SYN3: variants seen among roughly 807,000 people sequenced by gnomAD.
SYN3 encodes synapsin-3.
In SYN3, 35 loss-of-function variants were observed where a neutral mutation model predicts 65.8. The ratio of observed to expected loss-of-function variants is 0.53; its 90% CI spans 0.41 to 0.70. The LOEUF is 0.70. Ranked by LOEUF, SYN3 falls within the 30% of genes least tolerant of loss-of-function variation. The pLI is 0.00. For missense variants in SYN3, 680 were observed against 749.0 expected (o/e 0.91, Z 1.08); for synonymous variants, 270 against 292.9 (o/e 0.92, Z 0.80).
At chr22:32,600,918 C>T (rs2059272848) in intron 6 of SYN3, among the ~76,000 whole-genome samples, 1 of 152,170 alleles carries the variant, frequency 6.6e-6, no homozygotes, top group African/African-American at 2.4e-5. Context: ...AACTCCTGAC[C>T]TCAGGTAATC....
intron 12 of SYN3, among the ~76,000 whole-genome samples, chr22:32,526,646 G>T (rs942809834): frequency 6.6e-6 from 1 of 152,198 alleles, no homozygotes; most frequent in South Asian, 2.1e-4. Flanking sequence ...CTCCCGAGTA[G>T]CTGGGATTAC....
chr22:32,863,002 C>T (rs1196390650), intron 6 of SYN3: 1 of 152,608 alleles, frequency 6.6e-6, no homozygotes, highest in Non-Finnish European at 1.5e-5. Flanking sequence ...TATAGTGTGT[C>T]CTTTATTCTA....
At chr22:32,891,682 CA>C in intron 4 of SYN3, among the ~76,000 whole-genome samples, 1 of 152,266 alleles carries the variant, frequency 6.6e-6, no homozygotes, top group African/African-American at 2.4e-5. Flanking sequence ...ATAGCGATGG[CA>C]ATGCCTAATA....
At chr22:32,547,815 C>T (rs2058356645) in intron 7 of SYN3, among the ~76,000 whole-genome samples, 2 of 152,152 alleles carry the variant, frequency 1.3e-5, no homozygotes, top group South Asian at 4.1e-4. Flanking sequence ...CTGCTATTTG[C>T]TTGAATATCT....
intron 6 of SYN3, among the ~76,000 whole-genome samples, chr22:32,833,544 G>GTGACCC (rs2047639795): frequency 6.6e-6 from 1 of 152,192 alleles, no homozygotes; most frequent in African/African-American, 2.4e-5. Flanking sequence ...CTTACACTGA[G>GTGACCC]TGACCCTGAA....
At chr22:32,744,026 C>G (rs1035264098) in intron 6 of SYN3, among the ~76,000 whole-genome samples, 1 of 152,114 alleles carries the variant, frequency 6.6e-6, no homozygotes, top group African/African-American at 2.4e-5. Context: ...AGGGATTATT[C>G]ATGAGATGAT....
intron 3 of SYN3, among the ~76,000 whole-genome samples, chr22:32,959,204 A>G (rs2051565224): frequency 6.6e-6 from 1 of 151,992 alleles, no homozygotes. Flanking sequence ...TTGTTTTATC[A>G]GGGGTTTCCG....
At position 32,637,630 on chromosome 22, in the gene SYN3, CTTTTTTTTTTT is replaced by C. The variant is rs1185407986; in HGVS notation, c.712-40905_712-40895del. Reference sequence around the variant, plus strand: ...AGTTAGGTTTTCTTTTTTTCTTTTTCTTTTTTTTTTTTTTTTTTTTTTTTTGAGACAGGGTC... The same window carrying C: ...AGTTAGGTTTTCTTTTTTTCTTTTTCTTTTTTTTTTTTTTGAGACAGGGTC... On this transcript the variant is annotated intron_variant, in intron 6 of 13. Transcript: ENST00000358763. Among the ~76,000 whole-genome samples, 29 of 93,562 alleles carry C rather than the reference CTTTTTTTTTTT, an allele frequency of 3.1e-4. No individual in the cohort carries two copies. In the East Asian group the frequency reaches 3.6e-3, roughly 11 times the overall value. 61.4% of individuals were successfully genotyped at this position (93,562 alleles called of 152,430 possible).
intron 6 of SYN3, chr22:32,858,999 T>A (rs1444234101): frequency 1.5e-6 from 1 of 677,980 alleles, no homozygotes; most frequent in South Asian, 1.6e-5. Context: ...AAAGCACTTA[T>A]CAGAATGTCT....
chr22:32,526,839 A>T (rs2146126791), intron 12 of SYN3, among the ~76,000 whole-genome samples: 1 of 152,196 alleles, frequency 6.6e-6, no homozygotes. Flanking sequence ...TTTTAAGAAG[A>T]TCCTTAAAAG....
At chr22:32,902,962 T>C (rs950115546) in intron 4 of SYN3, among the ~76,000 whole-genome samples, 2 of 152,000 alleles carry the variant, frequency 1.3e-5, no homozygotes, top group Non-Finnish European at 2.9e-5. Context: ...CCAGTTTACA[T>C]GGCTAAAATG....
intron 4 of SYN3, among the ~76,000 whole-genome samples, chr22:32,881,018 G>A (rs1339953234): frequency 2.0e-5 from 3 of 152,200 alleles, no homozygotes; most frequent in Non-Finnish European, 4.4e-5. Context: ...CCACGTGGTG[G>A]CCTGGGGCAG....
chr22:32,885,442 C>T (rs2049261168), intron 4 of SYN3, among the ~76,000 whole-genome samples: 1 of 152,184 alleles, frequency 6.6e-6, no homozygotes, highest in Non-Finnish European at 1.5e-5. Context: ...CGGGCCATAC[C>T]CTCATGCCTA....
intron 6 of SYN3, among the ~76,000 whole-genome samples, chr22:32,749,530 A>G (rs1022840046): frequency 8.6e-5 from 13 of 151,702 alleles, no homozygotes; most frequent in Non-Finnish European, 5.9e-5. Context: ...AATACAAACT[A>G]CTCGGGAGGC....
At chr22:32,945,086 G>C (rs1226983500) in intron 3 of SYN3, among the ~76,000 whole-genome samples, 2 of 152,164 alleles carry the variant, frequency 1.3e-5, no homozygotes, top group African/African-American at 2.4e-5. Flanking sequence ...TGGATAGGAA[G>C]AATCAATATT....
intron 1 of SYN3, among the ~76,000 whole-genome samples, chr22:33,013,275 A>C (rs2053394091): frequency 6.6e-6 from 1 of 152,212 alleles, no homozygotes; most frequent in Non-Finnish European, 1.5e-5. Context: ...AGGCTGGCAA[A>C]GGGAGGCCAA....
intron 1 of SYN3, among the ~76,000 whole-genome samples, chr22:33,007,846 C>T (rs2053236611): frequency 6.6e-6 from 1 of 152,224 alleles, no homozygotes. Context: ...AAAACCCACA[C>T]TGTTCATTTG....
chr22:32,598,518 C>G (rs1205800085), intron 6 of SYN3, among the ~76,000 whole-genome samples: 2 of 152,152 alleles, frequency 1.3e-5, no homozygotes, highest in Non-Finnish European at 2.9e-5. Flanking sequence ...CAGAGTCTCA[C>G]TCTTTCGCTC....
chr22:32,961,733 G>A (rs78278486), intron 3 of SYN3, among the ~76,000 whole-genome samples: 8 of 152,246 alleles, frequency 5.3e-5, no homozygotes, highest in South Asian at 2.1e-4. Context: ...ATTGAACAGC[G>A]GAGGGCCGGG....
Sources: allele counts gnomAD v4.1 joint callset (sites outside exome capture counted in the v4.1 genomes callset), GRCh38; gene constraint gnomAD v4.1.1; transcripts MANE v1.5; gene names NCBI Gene and HGNC (gene_info 2026-07-23, HGNC 2026-07-21).